CTNNA3: variants seen among roughly 807,000 people sequenced by gnomAD.
CTNNA3 encodes the protein catenin alpha 3.
CTNNA3 carries 76 observed loss-of-function variants against 95.7 expected under a neutral mutation model. The ratio of observed to expected loss-of-function variants is 0.79; its 90% CI spans 0.66 to 0.96. CTNNA3 has a LOEUF of 0.96. Among genes scored for constraint, CTNNA3 ranks in the 40% least tolerant of loss-of-function variants. CTNNA3 has a pLI of 0.00. For missense variants in CTNNA3, 1,191 were observed against 1,089.8 expected (o/e 1.09, Z -1.31); for synonymous variants, 431 against 374.4 (o/e 1.15, Z -1.74).
intron 5 of CTNNA3, among the ~76,000 whole-genome samples, chr10:67,356,945 A>G (rs1257186389): frequency 1.3e-5 from 2 of 152,108 alleles, no homozygotes; most frequent in Non-Finnish European, 1.5e-5. Context: ...ATAATCTTCA[A>G]TGGGGCTTCA....
At chr10:66,267,560 C>G (rs1327846029) in intron 13 of CTNNA3, among the ~76,000 whole-genome samples, 1 of 152,118 alleles carries the variant, frequency 6.6e-6, no homozygotes, top group Non-Finnish European at 1.5e-5. Flanking sequence ...TACTTGATAG[C>G]AAAGATCATG....
At chr10:66,580,571 A>G (rs1253707155) in intron 10 of CTNNA3, among the ~76,000 whole-genome samples, 1 of 151,680 alleles carries the variant, frequency 6.6e-6, no homozygotes, top group African/African-American at 2.4e-5. Flanking sequence ...TATTAAATGT[A>G]TTTTTTTATT....
chr10:66,992,502 C>T (rs1851094604), intron 7 of CTNNA3, among the ~76,000 whole-genome samples: 1 of 151,660 alleles, frequency 6.6e-6, no homozygotes, highest in South Asian at 2.1e-4. Context: ...TTATGCATTA[C>T]AAATATGTTC....
At position 67,029,390 on chromosome 10, in the gene CTNNA3, G is replaced by C. The variant is rs112113784; in HGVS notation, c.1047+150927C>G. Among the ~76,000 whole-genome samples, 424 of 152,248 alleles carry C rather than the reference G, an allele frequency of 2.8e-3. 2 individuals carry two copies. The highest frequency in any genetic ancestry group is 9.8e-3 in the African/African-American group (406 of 41,556). ...GTTCAGAGCAGGTTGATTGATAAAT[G>C]GGGAAGACCTATAAAGAGAGGTTAA... On this transcript the variant is annotated intron_variant, in intron 7 of 17. Transcript: ENST00000433211.
intron 5 of CTNNA3, among the ~76,000 whole-genome samples, chr10:67,390,899 C>T (rs377525560): frequency 9.3e-5 from 14 of 149,806 alleles, no homozygotes; most frequent in Middle Eastern, 3.4e-3. Context: ...ATTGATGGGA[C>T]GTATTTCAAA....
intron 11 of CTNNA3, among the ~76,000 whole-genome samples, chr10:66,454,090 A>G (rs2093480987): frequency 6.6e-6 from 1 of 152,124 alleles, no homozygotes; most frequent in African/African-American, 2.4e-5. Flanking sequence ...GTTGGTTTGG[A>G]TGATGGAGGA....
intron 16 of CTNNA3, among the ~76,000 whole-genome samples, chr10:65,973,465 T>C (rs76523015): frequency 0.016 from 2,361 of 152,190 alleles, 68 homozygotes; most frequent in African/African-American, 0.054. Context: ...AGTTTTACTA[T>C]CCAGGATCTA....
chr10:66,598,290 C>A (rs778879315), intron 10 of CTNNA3, among the ~76,000 whole-genome samples: 3 of 151,958 alleles, frequency 2.0e-5, no homozygotes, highest in Admixed American at 6.6e-5. Flanking sequence ...TATGACAAAT[C>A]CACAGCTAAC....
intron 14 of CTNNA3, chr10:66,098,546 C>T (rs377763002): frequency 3.4e-4 from 52 of 152,232 alleles, no homozygotes; most frequent in African/African-American, 1.2e-3. Flanking sequence ...ATGATTTAGT[C>T]TGTATGTCAT....
intron 5 of CTNNA3, among the ~76,000 whole-genome samples, chr10:67,238,242 A>G (rs1433625839): frequency 6.6e-6 from 1 of 152,190 alleles, no homozygotes; most frequent in Non-Finnish European, 1.5e-5. Context: ...GTGAAACACC[A>G]GCTCACAGTT....
intron 13 of CTNNA3, among the ~76,000 whole-genome samples, chr10:66,189,666 AT>A: frequency 6.7e-6 from 1 of 150,028 alleles, no homozygotes; most frequent in East Asian, 1.9e-4. Flanking sequence ...ACACATATAT[AT>A]ATATTGTTTC....
At chr10:66,553,166 A>C (rs1050705799) in intron 10 of CTNNA3, among the ~76,000 whole-genome samples, 1 of 151,964 alleles carries the variant, frequency 6.6e-6, no homozygotes, top group African/African-American at 2.4e-5. Flanking sequence ...AAAATTCTTT[A>C]TCCTCATGTT....
At chr10:67,689,138 G>A (rs1840792729) in intron 1 of CTNNA3, among the ~76,000 whole-genome samples, 1 of 152,238 alleles carries the variant, frequency 6.6e-6, no homozygotes, top group East Asian at 1.9e-4. Flanking sequence ...CTATAAAGAT[G>A]TTATGCCCCA....
At chr10:66,535,125 G>A (rs1374181377) in intron 10 of CTNNA3, among the ~76,000 whole-genome samples, 2 of 151,714 alleles carry the variant, frequency 1.3e-5, no homozygotes, top group African/African-American at 2.4e-5. Context: ...CCTACATTCA[G>A]TCAGACTCAC....
intron 11 of CTNNA3, among the ~76,000 whole-genome samples, chr10:66,446,985 T>C (rs972978238): frequency 3.3e-4 from 50 of 151,854 alleles, no homozygotes; most frequent in African/African-American, 1.2e-3. Context: ...AGTCTCAGGA[T>C]ACAAAATCAA....
intron 5 of CTNNA3, among the ~76,000 whole-genome samples, chr10:67,231,295 G>A (rs1865197291): frequency 1.3e-5 from 2 of 152,220 alleles, no homozygotes; most frequent in South Asian, 2.1e-4. Context: ...TTTGAAGAGA[G>A]CAGTGGTTCT....
intron 7 of CTNNA3, among the ~76,000 whole-genome samples, chr10:67,116,179 C>T (rs561995533): frequency 1.3e-4 from 19 of 151,722 alleles, no homozygotes; most frequent in Non-Finnish European, 1.8e-4. Context: ...CATTTGAACA[C>T]GTGCCAGGAA....
At chr10:66,432,472 C>T (rs941850821) in intron 11 of CTNNA3, among the ~76,000 whole-genome samples, 3 of 152,032 alleles carry the variant, frequency 2.0e-5, no homozygotes, top group African/African-American at 7.2e-5. Flanking sequence ...TCCTGGCTAA[C>T]ACAGTGAAAC....
chr10:66,630,422 T>C (rs1170763316), intron 9 of CTNNA3, among the ~76,000 whole-genome samples: 1 of 152,192 alleles, frequency 6.6e-6, no homozygotes. Flanking sequence ...GGGCAGCTTC[T>C]TTCAAGTTTT....
Sources: allele counts gnomAD v4.1 joint callset (sites outside exome capture counted in the v4.1 genomes callset), GRCh38; gene constraint gnomAD v4.1.1; transcripts MANE v1.5; gene names NCBI Gene and HGNC (gene_info 2026-07-23, HGNC 2026-07-21).